CD2AP: variants seen among roughly 807,000 people sequenced by gnomAD.
The protein encoded by CD2AP is CD2-associated protein.
A neutral mutation model predicts 85.1 loss-of-function variants in CD2AP; 46 were observed. That is an observed-to-expected ratio of 0.54 (90% confidence interval 0.43 to 0.69). The LOEUF (loss-of-function observed/expected upper bound fraction) is 0.69. CD2AP is among the 30% of genes least tolerant of loss of function. The probability of loss-of-function intolerance (pLI) is 0.00; values close to 1 mark genes in which losing one functional copy is unlikely to be tolerated. For synonymous variants in CD2AP, 255 were observed against 252.9 expected, an observed-to-expected ratio of 1.01 and a Z score of -0.08; for missense variants, 769 against 729.5, an observed-to-expected ratio of 1.05 and a Z score of -0.62.
At chr6:47,484,172 C>A (rs1765511453) in intron 1 of CD2AP, among the ~76,000 whole-genome samples, 1 of 152,038 alleles carries the variant, frequency 6.6e-6, no homozygotes, top group Non-Finnish European at 1.5e-5. Flanking sequence ...TAGACAGTAG[C>A]TCACAGTAGA....
intron 16 of CD2AP, among the ~76,000 whole-genome samples, chr6:47,610,949 T>TTTTATATATATATA (rs1554183764): frequency 1.8e-5 from 2 of 114,244 alleles, no homozygotes; most frequent in African/African-American, 3.7e-5. Flanking sequence ...TATTTCTGAT[T>TTTTATATATATATA]TATATATATA....
intron 2 of CD2AP, among the ~76,000 whole-genome samples, chr6:47,529,744 G>A (rs567681119): frequency 2.6e-5 from 4 of 152,228 alleles, no homozygotes; most frequent in African/African-American, 9.6e-5. Context: ...CGGTTTCCTT[G>A]TACATTGTTT....
intron 5 of CD2AP, among the ~76,000 whole-genome samples, chr6:47,556,442 A>T (rs1811596): frequency 6.6e-6 from 1 of 151,282 alleles, no homozygotes; most frequent in African/African-American, 2.4e-5. Flanking sequence ...TGTTGCCCAG[A>T]CTAGGAGCGA....
intron 11 of CD2AP, among the ~76,000 whole-genome samples, chr6:47,589,631 A>C (rs1768738494): frequency 6.6e-6 from 1 of 150,908 alleles, no homozygotes; most frequent in Non-Finnish European, 1.5e-5. Flanking sequence ...AAAATGAAGA[A>C]TCATAAGATC....
chr6:47,505,102 A>G (rs551638870), intron 2 of CD2AP, among the ~76,000 whole-genome samples: 1 of 122,658 alleles, frequency 8.2e-6, no homozygotes, highest in Admixed American at 8.6e-5. Flanking sequence ...GGGTCATGGG[A>G]CAATAGTGGA....
chr6:47,487,457 G>A (rs1453993672), intron 1 of CD2AP, among the ~76,000 whole-genome samples: 2 of 152,160 alleles, frequency 1.3e-5, no homozygotes, highest in Non-Finnish European at 2.9e-5. Context: ...TTGGGAGGCC[G>A]AGGCGGACAG....
At chr6:47,514,749 A>G (rs900099188) in intron 2 of CD2AP, among the ~76,000 whole-genome samples, 5 of 152,152 alleles carry the variant, frequency 3.3e-5, no homozygotes, top group African/African-American at 1.2e-4. Context: ...TCTTTCAGAA[A>G]GGGGATTAAA....
chr6:47,507,046 C>A (rs1160162581), intron 2 of CD2AP, among the ~76,000 whole-genome samples: 1 of 152,170 alleles, frequency 6.6e-6, no homozygotes, highest in East Asian at 1.9e-4. Flanking sequence ...TATTTTGAAT[C>A]CTGCATTGTC....
intron 5 of CD2AP, among the ~76,000 whole-genome samples, chr6:47,559,920 A>G (rs1182778531): frequency 6.6e-6 from 1 of 152,148 alleles, no homozygotes; most frequent in Non-Finnish European, 1.5e-5. Context: ...ATTTTATAGT[A>G]GAGAAACCTA....
chr6:47,541,234 C>T (rs2114039213), intron 3 of CD2AP, among the ~76,000 whole-genome samples: 1 of 152,310 alleles, frequency 6.6e-6, no homozygotes, highest in African/African-American at 2.4e-5. Context: ...TGCCATCCTC[C>T]TGCCTCAGCC....
chr6:47,562,870 C>T, intron 5 of CD2AP: 1 of 791,752 alleles, frequency 1.3e-6, no homozygotes, highest in South Asian at 1.4e-5. Flanking sequence ...TGACAACAAG[C>T]AACTGTAGGG....
chr6:47,570,112 A>G (rs1272802780), intron 5 of CD2AP, among the ~76,000 whole-genome samples: 2 of 151,802 alleles, frequency 1.3e-5, no homozygotes, highest in South Asian at 2.1e-4. Context: ...GATTGATTCT[A>G]TTAAATGCTT....
intron 4 of CD2AP, among the ~76,000 whole-genome samples, chr6:47,552,377 ATGAG>A (rs1392269985): frequency 2.7e-5 from 4 of 150,600 alleles, no homozygotes; most frequent in Non-Finnish European, 1.5e-5. Flanking sequence ...GCTCCCACAT[ATGAG>A]TGAGAACATA....
intron 2 of CD2AP, among the ~76,000 whole-genome samples, chr6:47,517,030 G>A (rs981474587): frequency 6.6e-6 from 1 of 152,054 alleles, no homozygotes; most frequent in Non-Finnish European, 1.5e-5. Flanking sequence ...TGACCCATGG[G>A]GGCTGATCTG....
intron 5 of CD2AP, among the ~76,000 whole-genome samples, chr6:47,560,012 C>A (rs1192164545): frequency 1.3e-5 from 2 of 152,030 alleles, no homozygotes; most frequent in Non-Finnish European, 2.9e-5. Flanking sequence ...GGATCCCATT[C>A]CTCTATACAT....
At position 47,577,114 on chromosome 6, in the gene CD2AP, T is replaced by G. The variant is rs756777784; in HGVS notation, c.903+11T>G. The stretch of plus-strand genomic sequence containing the variant: ...CATTTGATAAGTAAGGTAAGGTGTT[T>G]CTGTTTTTCAGTGAATTGCTTAATT... On this transcript the variant is annotated intron_variant, in intron 8 of 17. Coordinates refer to ENST00000359314, the MANE Select transcript of CD2AP (RefSeq NM_012120.3). 3.0e-5 allele frequency: 41 copies of G among 1,365,258 alleles called. No homozygotes were observed. Among genetic ancestry groups the G allele is most frequent in the Non-Finnish European group, 4.2e-5 (40 of 954,094 alleles). 84.6% of individuals were successfully genotyped at this position (1,365,258 alleles called of 1,614,324 possible).
At chr6:47,537,816 C>T (rs1434121429) in intron 3 of CD2AP, among the ~76,000 whole-genome samples, 3 of 149,780 alleles carry the variant, frequency 2.0e-5, no homozygotes, top group Admixed American at 6.7e-5. Flanking sequence ...TTTTTGGATA[C>T]AGAGTCTCAG....
rs770785971 is a variant in CD2AP, at chr6:47,624,234, T to C, written c.*7T>C. ...AGCTGTCCTGTCTTCTTGAGTGGTG[T>C]GGACCTGGTGTTCATAATGTTCCAG... On this transcript the variant is annotated 3_prime_UTR_variant, in exon 18 of 18. Transcript: ENST00000359314. 1 of 1,608,872 alleles carries C rather than the reference T, an allele frequency of 6.2e-7. No individual in the cohort carries two copies. The highest frequency in any genetic ancestry group is 2.2e-5 in the East Asian group (1 of 44,736).
At chr6:47,591,112 T>C (rs1210805835) in intron 11 of CD2AP, among the ~76,000 whole-genome samples, 6 of 152,222 alleles carry the variant, frequency 3.9e-5, no homozygotes, top group Non-Finnish European at 7.3e-5. Flanking sequence ...TCACATACCA[T>C]GTTACCACGT....
Sources: gnomAD v4.1 joint callset for allele counts (sites outside exome capture counted in the v4.1 genomes callset) on GRCh38, gnomAD v4.1.1 for gene constraint, MANE v1.5 for transcripts, NCBI Gene and HGNC (gene_info 2026-07-23, HGNC 2026-07-21) for gene names.